The following SDK1 variants were observed in gnomAD, a reference collection of about 807,000 sequenced individuals.
SDK1 encodes protein sidekick-1.
Under a neutral mutation model 245.5 loss-of-function variants are expected in SDK1, and 157 were observed. The ratio of observed to expected loss-of-function variants is 0.64; its 90% CI spans 0.56 to 0.73. The LOEUF (loss-of-function observed/expected upper bound fraction) is 0.73. Among genes scored for constraint, SDK1 ranks in the 30% least tolerant of loss-of-function variants. SDK1 has a pLI of 0.00. For missense variants in SDK1, 3,583 were observed against 3,002.3 expected (o/e 1.19, Z -4.52); for synonymous variants, 1,647 against 1,278.5 (o/e 1.29, Z -6.15).
At chr7:3,974,856 T>G (rs1248819201) in intron 13 of SDK1, 1 of 227,894 alleles carries the variant, frequency 4.4e-6, no homozygotes, top group African/African-American at 2.3e-5. Flanking sequence ...CACTCTGCGC[T>G]TAAGTAGCAA....
At chr7:4,223,489 C>A (rs1404866087) in intron 40 of SDK1, among the ~76,000 whole-genome samples, 3 of 152,234 alleles carry the variant, frequency 2.0e-5, no homozygotes, top group Non-Finnish European at 2.9e-5. Flanking sequence ...CTCTCCCCCA[C>A]TTCTGGTGAT....
intron 1 of SDK1, among the ~76,000 whole-genome samples, chr7:3,405,888 C>G (rs1203276300): frequency 1.3e-5 from 2 of 149,240 alleles, no homozygotes; most frequent in African/African-American, 2.5e-5. Context: ...TCTCAGCTCA[C>G]TGCAACCTCT....
chr7:3,702,514 T>G (rs563766250), intron 4 of SDK1, among the ~76,000 whole-genome samples: 2 of 152,296 alleles, frequency 1.3e-5, no homozygotes, highest in South Asian at 4.1e-4. Context: ...CGGATAGCAT[T>G]CACCACTCTC....
chr7:3,849,027 G>C (rs894539388), intron 5 of SDK1, among the ~76,000 whole-genome samples: 4 of 152,194 alleles, frequency 2.6e-5, no homozygotes, highest in African/African-American at 9.7e-5. Flanking sequence ...TTGAGGCCCA[G>C]CGCATCAGAT....
intron 22 of SDK1, among the ~76,000 whole-genome samples, chr7:4,088,980 G>A (rs1458332786): frequency 1.3e-5 from 2 of 151,310 alleles, no homozygotes; most frequent in South Asian, 2.1e-4. Context: ...AGGGAGGTGA[G>A]ACCCTCCCTC....
At chr7:3,651,494 A>C (rs1783013162) in intron 4 of SDK1, among the ~76,000 whole-genome samples, 1 of 152,212 alleles carries the variant, frequency 6.6e-6, no homozygotes, top group African/African-American at 2.4e-5. Flanking sequence ...TTCTGATCTG[A>C]AGAAATTACT....
intron 1 of SDK1, among the ~76,000 whole-genome samples, chr7:3,304,530 C>T (rs1279544607): frequency 3.9e-5 from 6 of 152,132 alleles, no homozygotes; most frequent in African/African-American, 1.2e-4. Flanking sequence ...TAGGAATGTT[C>T]TTGTCCATGG....
chr7:3,826,553 G>A (rs765068913), intron 5 of SDK1, among the ~76,000 whole-genome samples: 3 of 152,178 alleles, frequency 2.0e-5, no homozygotes, highest in Non-Finnish European at 2.9e-5. Flanking sequence ...TCCCAGAAAT[G>A]CCGTCGTCTT....
intron 22 of SDK1, among the ~76,000 whole-genome samples, chr7:4,103,223 A>G (rs550597242): frequency 1.2e-4 from 19 of 152,236 alleles, no homozygotes; most frequent in Non-Finnish European, 2.1e-4. Flanking sequence ...GATGGTCTCA[A>G]TCTCCTGACC....
At chr7:4,106,917 C>T (rs1782961354) in intron 22 of SDK1, among the ~76,000 whole-genome samples, 1 of 151,762 alleles carries the variant, frequency 6.6e-6, no homozygotes, top group African/African-American at 2.4e-5. Flanking sequence ...ATGAGGGAGC[C>T]CACAGGGTCA....
intron 28 of SDK1, among the ~76,000 whole-genome samples, chr7:4,133,655 G>C (rs1211622793): frequency 2.6e-5 from 4 of 152,192 alleles, no homozygotes; most frequent in Non-Finnish European, 5.9e-5. Context: ...CAGCTCCAAG[G>C]CTGGGGATGG....
chr7:3,305,199 C>T, intron 1 of SDK1, among the ~76,000 whole-genome samples: 1 of 152,170 alleles, frequency 6.6e-6, no homozygotes, highest in East Asian at 1.9e-4. Context: ...TTTGTGCTGC[C>T]TGAGGTGTAC....
chr7:3,915,506 G>T (rs1357525097), intron 5 of SDK1, among the ~76,000 whole-genome samples: 1 of 152,052 alleles, frequency 6.6e-6, no homozygotes, highest in Non-Finnish European at 1.5e-5. Flanking sequence ...CTTTCGCTTG[G>T]CCCTCATTCT....
intron 29 of SDK1, among the ~76,000 whole-genome samples, chr7:4,148,501 A>G (rs994680602): frequency 1.3e-5 from 2 of 152,206 alleles, no homozygotes; most frequent in Non-Finnish European, 2.9e-5. Context: ...CCTCACCTAC[A>G]GCAGCACTGA....
chr7:4,211,834 C>T (rs1784529911), intron 38 of SDK1, among the ~76,000 whole-genome samples: 1 of 152,172 alleles, frequency 6.6e-6, no homozygotes, highest in Non-Finnish European at 1.5e-5. Context: ...TGGTCTCGAT[C>T]TCCTAACCTC....
At chr7:4,172,557 C>G (rs534336142) in intron 32 of SDK1, among the ~76,000 whole-genome samples, 34 of 152,272 alleles carry the variant, frequency 2.2e-4, no homozygotes, top group African/African-American at 7.7e-4. Context: ...TAGTGAGGAC[C>G]AGAGAGAGTT....
Position 3,656,263 on chromosome 7 carries a change from C to T in SDK1, c.713+14158C>T, listed in dbSNP as rs7812054. Among the ~76,000 whole-genome samples the T allele has an allele frequency of 7.2e-3, 1,098 of 152,302 alleles. 15 individuals are homozygous for T. Among genetic ancestry groups the T allele is most frequent in the African/African-American group, 0.025 (1,025 of 41,556 alleles). ...TGGGAAACTCAAGTGAGTCCCACTGCTGTTGGCTCCTAAGAGAGACATTTT... is the reference window on the plus strand; with the variant it reads ...TGGGAAACTCAAGTGAGTCCCACTGTTGTTGGCTCCTAAGAGAGACATTTT... On this transcript the variant is annotated intron_variant, in intron 4 of 44. Coordinates refer to ENST00000404826, the MANE Select transcript of SDK1 (RefSeq NM_152744.4).
At chr7:3,508,988 T>A (rs545077961) in intron 1 of SDK1, among the ~76,000 whole-genome samples, 4 of 152,210 alleles carry the variant, frequency 2.6e-5, no homozygotes, top group Non-Finnish European at 4.4e-5. Context: ...TCTAGTAATA[T>A]CTGTGGCAGT....
In SDK1 at chr7:4,094,456, A is replaced by G. The variant is rs537329498; in HGVS notation, c.3324+14872A>G. On this transcript the variant is annotated intron_variant, in intron 22 of 44. Coordinates refer to ENST00000404826, the MANE Select transcript of SDK1 (RefSeq NM_152744.4). ...TGCTTCTGCTCTACTCACCCCTCCA[A>G]TCCCCATGTGCTGACATTCGCTGTG... is the stretch of plus-strand genomic sequence containing the variant. Among the ~76,000 whole-genome samples the G allele has an allele frequency of 1.1e-4, 16 of 152,222 alleles. No homozygotes were observed. The East Asian group carries it at 2.7e-3, about 26-fold the overall frequency.
Sources: allele counts gnomAD v4.1 joint callset (sites outside exome capture counted in the v4.1 genomes callset), GRCh38; gene constraint gnomAD v4.1.1; transcripts MANE v1.5; gene names NCBI Gene and HGNC (gene_info 2026-07-23, HGNC 2026-07-21).